Variants in TLK1 observed in about 807,000 individuals in gnomAD.
The protein encoded by TLK1 is serine/threonine-protein kinase tousled-like 1.
TLK1 carries 24 observed loss-of-function variants against 105.3 expected under a neutral mutation model. The ratio of observed to expected loss-of-function variants is 0.23; its 90% CI spans 0.17 to 0.32. The LOEUF is 0.32. TLK1 is among the 10% of genes least tolerant of loss of function. The pLI is 1.00. For synonymous variants in TLK1, 321 were observed against 310.4 expected (o/e 1.03, Z -0.36); for missense variants, 558 against 910.5 (o/e 0.61, Z 4.98).
chr2:171,166,352 A>T (rs1692609875), intron 1 of TLK1, among the ~76,000 whole-genome samples: 1 of 152,248 alleles, frequency 6.6e-6, no homozygotes, highest in Admixed American at 6.5e-5. Flanking sequence ...CTACCTACAC[A>T]GCTGGTTAAT....
At chr2:171,148,205 A>C (rs1270958178) in intron 1 of TLK1, among the ~76,000 whole-genome samples, 2 of 152,136 alleles carry the variant, frequency 1.3e-5, no homozygotes, top group Non-Finnish European at 2.9e-5. Context: ...TGCATACTGT[A>C]AAGCACTATA....
chr2:171,127,475 G>A (rs1188171935), intron 1 of TLK1, among the ~76,000 whole-genome samples: 1 of 151,918 alleles, frequency 6.6e-6, no homozygotes, highest in Non-Finnish European at 1.5e-5. Context: ...TTATTCCACA[G>A]TTTGATTCCC....
At position 171,160,301 on chromosome 2, in the gene TLK1, C is replaced by G. The variant is rs774810351; in HGVS notation, c.128G>C (p.Arg43Thr). The change falls in exon 1 of 21, where the codon AGG becomes ACG. Residue 43 changes from arginine (R) to threonine (T), a missense_variant. Around this residue, in one of 5 missense-constraint regions of TLK1, gnomAD observed 104 missense variants for 116.0 expected, o/e 0.90. Transcript: ENST00000431350. The surrounding 1 kb of genome is among the most constrained non-coding windows in gnomAD (Gnocchi z 4.4). The part of the protein sequence containing the change: ...SLLNHTPPSG[R>T]PREGAMDELH... ...GCGGCGGTGCTTACCTTCCCTGGGC[C>G]TCCCGGATGGCGGCGTGTGATTCAG... 5.7e-6 allele frequency: 9 copies of G among 1,584,766 alleles called. No homozygotes were observed. The highest frequency in any genetic ancestry group is 7.7e-6 in the Non-Finnish European group (9 of 1,168,684).
intron 3 of TLK1, among the ~76,000 whole-genome samples, chr2:171,067,818 G>A (rs1008140736): frequency 7.9e-5 from 12 of 151,696 alleles, no homozygotes; most frequent in African/African-American, 2.4e-4. Flanking sequence ...GCCCTGCCCC[G>A]TGTCCATGTG....
In TLK1 at chr2:170,992,675, T is replaced by A. The variant is rs905068339; in HGVS notation, c.*1105A>T. On this transcript the variant is annotated 3_prime_UTR_variant, in exon 21 of 21. Coordinates refer to ENST00000431350, the MANE Select transcript of TLK1 (RefSeq NM_012290.5). Reference sequence around the variant, plus strand: ...ATCACTTTTACATCTTGATTGTTAATGACTGTCTGCTTTTTAATATCTATG... The same window carrying A: ...ATCACTTTTACATCTTGATTGTTAAAGACTGTCTGCTTTTTAATATCTATG... The A allele has an allele frequency of 6.6e-6, 1 of 152,636 alleles. No individual in the cohort carries two copies. Among genetic ancestry groups the A allele is most frequent in the African/African-American group, 2.4e-5 (1 of 41,468 alleles). The allele number at this position is 152,636 out of a possible 1,614,324, so 9.5% of individuals were successfully genotyped here.
intron 2 of TLK1, among the ~76,000 whole-genome samples, chr2:171,084,253 T>C (rs1186919460): frequency 1.3e-5 from 2 of 152,116 alleles, no homozygotes; most frequent in East Asian, 3.8e-4. Flanking sequence ...CAGAAGGGTT[T>C]TGCACTTTCA....
chr2:171,107,513 TAAC>T (rs1201450406), intron 2 of TLK1, among the ~76,000 whole-genome samples: 1 of 152,186 alleles, frequency 6.6e-6, no homozygotes, highest in Non-Finnish European at 1.5e-5. Flanking sequence ...TTATGTATTA[TAAC>T]AACAAGCATA....
upstream of TLK1, among the ~76,000 whole-genome samples, chr2:171,165,646 C>G (rs1344553028): frequency 6.6e-6 from 1 of 152,218 alleles, no homozygotes; most frequent in African/African-American, 2.4e-5. Context: ...GGGGCTGTGG[C>G]TCACGCCTGT....
intron 1 of TLK1, among the ~76,000 whole-genome samples, chr2:171,210,910 A>G (rs1406031772): frequency 1.3e-5 from 2 of 152,222 alleles, no homozygotes; most frequent in African/African-American, 4.8e-5. Context: ...GAAGCTGAAT[A>G]TATCCAGGAG....
rs1686572512 is a variant in TLK1, at chr2:171,039,881, CTT to C, written c.1169+6291_1169+6292del. ...ACCAACAGACCCCTTTGTAATTTTC[CTT>C]TACAAAGGAAAATTTGTAAAGGGTA... On this transcript the variant is annotated intron_variant, in intron 11 of 20. Transcript: ENST00000431350. Among the ~76,000 whole-genome samples the C allele has an allele frequency of 3.3e-5, 5 of 152,094 alleles. 1 individual carries two copies. Among genetic ancestry groups the C allele is most frequent in the Admixed American group, 2.0e-4 (3 of 15,280 alleles).
intron 1 of TLK1, among the ~76,000 whole-genome samples, chr2:171,205,645 T>C (rs1693490538): frequency 6.6e-6 from 1 of 152,190 alleles, no homozygotes; most frequent in African/African-American, 2.4e-5. Context: ...TTTTCATATT[T>C]TAACACCTCT....
At chr2:171,172,901 C>T (rs550968238) in intron 1 of TLK1, among the ~76,000 whole-genome samples, 1 of 152,260 alleles carries the variant, frequency 6.6e-6, no homozygotes, top group Admixed American at 6.5e-5. Context: ...CTCTAGTATT[C>T]TCATACCTTG....
intron 1 of TLK1, among the ~76,000 whole-genome samples, chr2:171,124,618 C>A (rs889995472): frequency 1.3e-5 from 2 of 152,160 alleles, no homozygotes; most frequent in Admixed American, 6.6e-5. Flanking sequence ...ATATTTTCTG[C>A]AAAGTATCTG....
intron 2 of TLK1, among the ~76,000 whole-genome samples, chr2:171,097,261 A>G (rs1462154411): frequency 6.6e-6 from 1 of 152,226 alleles, no homozygotes; most frequent in Non-Finnish European, 1.5e-5. Flanking sequence ...GCCTTGGGAA[A>G]ACTGGTAATC....
At chr2:171,012,762 C>T (rs568100883) in intron 13 of TLK1, among the ~76,000 whole-genome samples, 25 of 152,256 alleles carry the variant, frequency 1.6e-4, no homozygotes, top group African/African-American at 5.3e-4. Flanking sequence ...CAGGTGTGAG[C>T]CACAACGCCT....
intron 11 of TLK1, among the ~76,000 whole-genome samples, chr2:171,045,001 C>A (rs1256613824): frequency 6.6e-6 from 1 of 151,916 alleles, no homozygotes; most frequent in East Asian, 1.9e-4. Flanking sequence ...AGAGAACATA[C>A]AGAATATAGA....
chr2:171,050,186 G>A lies in TLK1; in HGVS notation c.733-12C>T, dbSNP rs1444397446. The A allele has an allele frequency of 6.3e-7, 1 of 1,578,730 alleles. No homozygotes were observed. The highest frequency in any genetic ancestry group is 8.6e-7 in the Non-Finnish European group (1 of 1,158,330). On this transcript the variant is annotated splice_polypyrimidine_tract_variant and intron_variant, in intron 8 of 20. Transcript: ENST00000431350. Reference sequence around the variant, plus strand: ...AGATCACAGTTAGCCTATGACATAAGTAGAAAATGCAAGAGGTCTAGACTG... The same window carrying A: ...AGATCACAGTTAGCCTATGACATAAATAGAAAATGCAAGAGGTCTAGACTG...
intron 3 of TLK1, among the ~76,000 whole-genome samples, chr2:171,064,308 AC>A (rs538420151): frequency 1.1e-4 from 16 of 152,270 alleles, no homozygotes; most frequent in African/African-American, 3.1e-4. Flanking sequence ...TGTTACCTCT[AC>A]CCTGAATCTG....
At chr2:171,136,411 AC>A (rs1691326381) in intron 1 of TLK1, among the ~76,000 whole-genome samples, 1 of 152,174 alleles carries the variant, frequency 6.6e-6, no homozygotes, top group African/African-American at 2.4e-5. Flanking sequence ...ACAGGAATAC[AC>A]TTAACACTAC....
Sources: gnomAD v4.1 joint callset for allele counts (sites outside exome capture counted in the v4.1 genomes callset) on GRCh38, gnomAD v4.1.1 for gene constraint, gnomAD v4.1.1 regional missense constraint, Gnocchi (gnomAD v3.1) non-coding constraint, MANE v1.5 for transcripts, NCBI Gene and HGNC (gene_info 2026-07-23, HGNC 2026-07-21) for gene names.